Variants in WIPF3 observed in about 807,000 individuals in gnomAD.
The protein encoded by WIPF3 is WAS/WASL-interacting protein family member 3.
Under a neutral mutation model 38.9 loss-of-function variants are expected in WIPF3, and 33 were observed. The observed-to-expected ratio is 0.85, with a 90% CI of 0.64 to 1.14. The LOEUF (loss-of-function observed/expected upper bound fraction) is 1.14. WIPF3 is among the 50% of genes most tolerant of loss of function. WIPF3 has a pLI of 0.00. For missense variants in WIPF3, 711 were observed against 652.5 expected, an observed-to-expected ratio of 1.09 and a Z score of -0.98; for synonymous variants, 324 against 269.3, an observed-to-expected ratio of 1.20 and a Z score of -1.99.
At chr7:29,858,450 A>G (rs968028674) in intron 2 of WIPF3, among the ~76,000 whole-genome samples, 1 of 152,224 alleles carries the variant, frequency 6.6e-6, no homozygotes, top group Non-Finnish European at 1.5e-5. Context: ...CTCATTACAT[A>G]TAGCCTCAAT....
intron 7 of WIPF3, among the ~76,000 whole-genome samples, chr7:29,897,433 T>A (rs772294641): frequency 1.3e-5 from 2 of 152,250 alleles, no homozygotes; most frequent in African/African-American, 2.4e-5. Flanking sequence ...CTACCATCAG[T>A]GTGCAAGTGT....
intron 8 of WIPF3, chr7:29,905,029 T>C (rs1786365507): frequency 6.6e-6 from 1 of 152,220 alleles, no homozygotes; most frequent in Admixed American, 6.5e-5. Flanking sequence ...AACAATAATC[T>C]CCCCATTTCT....
chr7:29,889,744 A>G (rs994380510), intron 7 of WIPF3, among the ~76,000 whole-genome samples: 2 of 152,222 alleles, frequency 1.3e-5, no homozygotes, highest in Non-Finnish European at 2.9e-5. Flanking sequence ...TTTTGCATCA[A>G]TCACTGAGGA....
chr7:29,894,201 C>A (rs928119460), intron 7 of WIPF3, among the ~76,000 whole-genome samples: 3 of 152,114 alleles, frequency 2.0e-5, no homozygotes, highest in Non-Finnish European at 2.9e-5. Context: ...CAGATTCAGT[C>A]AGTGCTAATC....
chr7:29,864,029 G>C (rs1785345714), intron 2 of WIPF3, among the ~76,000 whole-genome samples: 1 of 152,034 alleles, frequency 6.6e-6, no homozygotes, highest in African/African-American at 2.4e-5. Flanking sequence ...TTATTTATTT[G>C]TCTTATGTTA....
chr7:29,881,796 T>C (rs2893359), intron 4 of WIPF3, among the ~76,000 whole-genome samples: 66,365 of 152,170 alleles, frequency 0.44, 15,365 homozygotes, highest in African/African-American at 0.58. Context: ...TAAACCTGCA[T>C]GTTCTAAAAG....
chr7:29,886,844 A>G (rs921469145), intron 5 of WIPF3, among the ~76,000 whole-genome samples: 1 of 152,224 alleles, frequency 6.6e-6, no homozygotes, highest in Non-Finnish European at 1.5e-5. Flanking sequence ...AGAAATCTGC[A>G]TAAAGGGCTT....
intron 2 of WIPF3, among the ~76,000 whole-genome samples, chr7:29,838,299 A>G (rs746541480): frequency 2.6e-5 from 4 of 152,172 alleles, no homozygotes; most frequent in Non-Finnish European, 5.9e-5. Flanking sequence ...ACTTAGTGAA[A>G]TGCCCTAAGA....
chr7:29,883,877 C>T lies in WIPF3; in HGVS notation c.383C>T (p.Ser128Phe). Residue 128 changes from serine to phenylalanine, a missense_variant, in exon 5 of 9, where the codon TCC becomes TTC. Ser to Phe is a radical substitution (Grantham distance 155). Coordinates refer to ENST00000242140, the MANE Select transcript of WIPF3 (RefSeq NM_001080529.3). Reference protein sequence around the residue: ...AGGKTGQGPGSRAPSPRLPNK... With the variant: ...AGGKTGQGPGFRAPSPRLPNK... ...GGCAAGACAGGGCAGGGCCCTGGCTCCCGCGCGCCCTCTCCCAGGCTTCCC... is the reference window on the plus strand; with the variant it reads ...GGCAAGACAGGGCAGGGCCCTGGCTTCCGCGCGCCCTCTCCCAGGCTTCCC... The T allele has an allele frequency of 6.4e-7, 1 of 1,566,706 alleles. No homozygotes were observed.
chr7:29,887,931 G>A, intron 5 of WIPF3, 137 bp from the exon 6 acceptor site: 1 of 1,041,028 alleles, frequency 9.6e-7, no homozygotes, highest in South Asian at 1.7e-5. Flanking sequence ...TGCCAAGCAG[G>A]TTGACTCCAG....
rs1786569352 is a variant in WIPF3 at position 29,914,559 on chromosome 7, A to G, written c.*43A>G. On this transcript the variant is annotated 3_prime_UTR_variant, in exon 9 of 9. Transcript: ENST00000242140. ...AGGTCCTGGGGTTCCAGGTTGCAGA[A>G]CAACATGTCAGACCCCACCCACCCC... is the stretch of plus-strand genomic sequence containing the variant. 1 of 1,467,744 alleles carries G rather than the reference A, an allele frequency of 6.8e-7. No individual in the cohort carries two copies. The highest frequency in any genetic ancestry group is 9.1e-7 in the Non-Finnish European group (1 of 1,102,502). 90.9% of individuals were successfully genotyped at this position (1,467,744 alleles called of 1,614,324 possible). A position where few individuals can be genotyped will look rare whatever the true frequency, so the allele number is the denominator to read the frequency against.
intron 7 of WIPF3, among the ~76,000 whole-genome samples, chr7:29,899,601 A>G (rs1002826779): frequency 3.3e-5 from 5 of 152,250 alleles, no homozygotes; most frequent in African/African-American, 1.2e-4. Flanking sequence ...AACCATTTAC[A>G]TAATAAAACA....
At chr7:29,822,578 GT>G (rs1784556831) in intron 1 of WIPF3, among the ~76,000 whole-genome samples, 1 of 152,154 alleles carries the variant, frequency 6.6e-6, no homozygotes, top group African/African-American at 2.4e-5. Flanking sequence ...CTAAACGAGA[GT>G]TGATGGGTTT....
chr7:29,905,786 G>C (rs1289785283), intron 8 of WIPF3: 3 of 152,138 alleles, frequency 2.0e-5, no homozygotes, highest in African/African-American at 7.2e-5. Flanking sequence ...GTGGCCTCCT[G>C]GGGATTTCAA....
At chr7:29,895,443 A>C (rs1786121299) in intron 7 of WIPF3, among the ~76,000 whole-genome samples, 1 of 152,248 alleles carries the variant, frequency 6.6e-6, no homozygotes, top group South Asian at 2.1e-4. Context: ...ACACAGAAGC[A>C]AAATGTGGTG....
chr7:29,870,024 A>G (rs1031392206), intron 2 of WIPF3, among the ~76,000 whole-genome samples: 1 of 152,228 alleles, frequency 6.6e-6, no homozygotes, highest in Non-Finnish European at 1.5e-5. Context: ...TCTGGGTAGT[A>G]GATGCTCTGC....
rs1562787115 is a variant in WIPF3, at chr7:29,888,148, C to G, written c.1180C>G (p.Gln394Glu). Residue 394 changes from glutamine (Q) to glutamate (E), a missense_variant, in exon 6 of 9, where the codon CAG (glutamine) becomes GAG (glutamate). Physicochemically the swap from Gln to Glu is conservative, Grantham distance 29. Transcript: ENST00000242140. The part of the protein sequence containing the change: ...PTTELSSKSQ[Q>E]ATAWTPTQQP... ...CACAGAGCTTTCAAGCAAGAGCCAG[C>G]AGGCCACAGCCTGGACCCCGACGCA... 6.2e-7 allele frequency: 1 copy of G among 1,613,766 alleles called. No homozygotes were observed. Among genetic ancestry groups the G allele is most frequent in the South Asian group, 1.1e-5 (1 of 91,006 alleles).
At chr7:29,870,957 C>CAAAAAA (rs397736411) in intron 2 of WIPF3, among the ~76,000 whole-genome samples, 1 of 132,944 alleles carries the variant, frequency 7.5e-6, no homozygotes. Context: ...ACCCCATCTC[C>CAAAAAA]AAAAAAAAAA....
intron 1 of WIPF3, among the ~76,000 whole-genome samples, chr7:29,818,699 T>G (rs1784494290): frequency 6.6e-6 from 1 of 151,986 alleles, no homozygotes; most frequent in Non-Finnish European, 1.5e-5. Context: ...TAGTTCTTTC[T>G]TTTATCTAAT....
Sources: allele counts gnomAD v4.1 joint callset (sites outside exome capture counted in the v4.1 genomes callset), GRCh38; gene constraint gnomAD v4.1.1; transcripts MANE v1.5; gene names NCBI Gene and HGNC (gene_info 2026-07-23, HGNC 2026-07-21).